PARD3: variants seen among roughly 807,000 people sequenced by gnomAD.
PARD3 encodes the protein partitioning defective 3 homolog.
In PARD3, 75 loss-of-function variants were observed where a neutral mutation model predicts 155.4. The ratio of observed to expected loss-of-function variants is 0.48; its 90% CI spans 0.40 to 0.58. The LOEUF is 0.58. Among genes scored for constraint, PARD3 ranks in the 20% least tolerant of loss-of-function variants. PARD3 has a pLI of 0.00. For synonymous variants in PARD3, 576 were observed against 610.5 expected (o/e 0.94, Z 0.83); for missense variants, 1,642 against 1,721.7 (o/e 0.95, Z 0.82).
intron 1 of PARD3, among the ~76,000 whole-genome samples, chr10:34,746,101 C>A (rs1383274882): frequency 2.7e-5 from 4 of 150,712 alleles, no homozygotes; most frequent in African/African-American, 7.3e-5. Flanking sequence ...GACTCCATCT[C>A]AAAAAACAAA....
intron 1 of PARD3, among the ~76,000 whole-genome samples, chr10:34,769,002 G>A (rs1366199481): frequency 3.3e-5 from 5 of 152,248 alleles, no homozygotes; most frequent in Non-Finnish European, 7.4e-5. Context: ...CTCAAGGCTC[G>A]GATCAATAAA....
intron 20 of PARD3, among the ~76,000 whole-genome samples, chr10:34,285,990 G>T (rs1316670687): frequency 6.6e-6 from 1 of 152,046 alleles, no homozygotes; most frequent in African/African-American, 2.4e-5. Flanking sequence ...AAATTCTCCA[G>T]AACTGAAATC....
At chr10:34,406,059 G>A (rs914171097) in intron 5 of PARD3, among the ~76,000 whole-genome samples, 1 of 152,142 alleles carries the variant, frequency 6.6e-6, no homozygotes, top group Admixed American at 6.6e-5. Context: ...ACAATGAGGA[G>A]TTATCTCCAA....
intron 2 of PARD3, among the ~76,000 whole-genome samples, chr10:34,533,595 T>G (rs2083008033): frequency 6.6e-6 from 1 of 152,042 alleles, no homozygotes. Context: ...TCACTTGAGC[T>G]CAGGAGTTTG....
rs375390982 is a variant in PARD3 at position 34,325,229 on chromosome 10, C to T, written c.2833+5888G>A. 1.1e-3 allele frequency among the ~76,000 whole-genome samples: 170 copies of T among 152,148 alleles called. 1 individual carries two copies. The highest frequency in any genetic ancestry group is 3.9e-3 in the African/African-American group (162 of 41,492). On this transcript the variant is annotated intron_variant, in intron 19 of 24. Transcript: ENST00000374788. The stretch of plus-strand genomic sequence containing the variant: ...CTCGCCATGTTGGCCAGGCTGGTCT[C>T]GAACTCCTGATCTCAAGTGATCCAC...
chr10:34,425,872 C>T (rs1473137347), intron 5 of PARD3, among the ~76,000 whole-genome samples: 1 of 152,198 alleles, frequency 6.6e-6, no homozygotes, highest in Non-Finnish European at 1.5e-5. Flanking sequence ...ACCCAAATTT[C>T]TATTCAACTG....
chr10:34,571,638 G>A (rs908550686), intron 2 of PARD3, among the ~76,000 whole-genome samples: 3 of 152,062 alleles, frequency 2.0e-5, no homozygotes, highest in South Asian at 2.1e-4. Context: ...TAAAGCAAAC[G>A]ACACACCAAA....
intron 1 of PARD3, among the ~76,000 whole-genome samples, chr10:34,757,854 G>A (rs1318137416): frequency 3.9e-5 from 6 of 152,132 alleles, no homozygotes; most frequent in South Asian, 2.1e-4. Context: ...CAGAGTAAAC[G>A]ATGCCCCATT....
At chr10:34,627,317 C>G (rs775883900) in intron 2 of PARD3, among the ~76,000 whole-genome samples, 1 of 152,208 alleles carries the variant, frequency 6.6e-6, no homozygotes, top group Non-Finnish European at 1.5e-5. Flanking sequence ...CATGAGCCAC[C>G]GTGCCCAGCT....
intron 1 of PARD3, among the ~76,000 whole-genome samples, chr10:34,746,923 G>A (rs1835400827): frequency 6.6e-6 from 1 of 152,170 alleles, no homozygotes; most frequent in South Asian, 2.1e-4. Context: ...TTCTGCAGTG[G>A]ACACCCAGGC....
chr10:34,691,960 T>C (rs1198262474), intron 2 of PARD3, among the ~76,000 whole-genome samples: 2 of 152,214 alleles, frequency 1.3e-5, no homozygotes, highest in East Asian at 1.9e-4. Flanking sequence ...GGGCTGGGCA[T>C]GGTGGCCCAC....
rs1459354914 is a variant in PARD3 at position 34,756,479 on chromosome 10, A to T, written c.120+58397T>A. 3.7e-4 allele frequency among the ~76,000 whole-genome samples: 30 copies of T among 81,736 alleles called. No homozygotes were observed. The South Asian group carries it at 6.9e-3, about 19-fold the overall frequency. 53.6% of individuals were successfully genotyped at this position (81,736 alleles called of 152,430 possible). A position where few individuals can be genotyped will look rare whatever the true frequency, so the allele number is the denominator to read the frequency against. Reference sequence around the variant, plus strand: ...ATGCACCTTTTTTTTTTTTCTTATAAAAAAAAAAAAAAAAAAAAAGAGTCA... The same window carrying T: ...ATGCACCTTTTTTTTTTTTCTTATATAAAAAAAAAAAAAAAAAAAGAGTCA... On this transcript the variant is annotated intron_variant, in intron 1 of 24. Coordinates refer to ENST00000374788, the MANE Select transcript of PARD3 (RefSeq NM_001184785.2).
chr10:34,720,725 A>G (rs1228960556), intron 1 of PARD3, among the ~76,000 whole-genome samples: 1 of 151,996 alleles, frequency 6.6e-6, no homozygotes, highest in African/African-American at 2.4e-5. Flanking sequence ...TGAACTAGGG[A>G]GGCGGAGGTT....
intron 19 of PARD3, among the ~76,000 whole-genome samples, chr10:34,323,248 C>T (rs764538685): frequency 2.6e-5 from 4 of 152,176 alleles, no homozygotes; most frequent in Non-Finnish European, 5.9e-5. Flanking sequence ...TGTCGAATAA[C>T]ATGATCTGCT....
At chr10:34,171,974 AAAAAAAAAAAT>A in intron 22 of PARD3, among the ~76,000 whole-genome samples, 1 of 150,270 alleles carries the variant, frequency 6.7e-6, no homozygotes, top group Admixed American at 6.7e-5. Context: ...AAAAAAAAAA[AAAAAAAAAAAT>A]TCAGAGTCCT....
intron 2 of PARD3, among the ~76,000 whole-genome samples, chr10:34,564,339 T>A (rs927008477): frequency 6.6e-6 from 1 of 152,250 alleles, no homozygotes; most frequent in Non-Finnish European, 1.5e-5. Context: ...TAACTCACTA[T>A]CCATCCAACC....
At chr10:34,749,457 G>C (rs1835716754) in intron 1 of PARD3, among the ~76,000 whole-genome samples, 1 of 150,290 alleles carries the variant, frequency 6.7e-6, no homozygotes, top group African/African-American at 2.4e-5. Flanking sequence ...TAAAAATGAA[G>C]GTTATAAAAA....
At chr10:34,718,929 CT>C (rs2094562575) in intron 1 of PARD3, among the ~76,000 whole-genome samples, 3 of 152,066 alleles carry the variant, frequency 2.0e-5, no homozygotes, top group Admixed American at 6.6e-5. Flanking sequence ...AGCCACTGCA[CT>C]CAAGCCTGGG....
intron 22 of PARD3, among the ~76,000 whole-genome samples, chr10:34,214,221 A>G (rs1951892405): frequency 6.6e-6 from 1 of 152,124 alleles, no homozygotes. Context: ...TCATGTGTGG[A>G]TGCTTTTGAT....
Sources: gnomAD v4.1 joint callset for allele counts (sites outside exome capture counted in the v4.1 genomes callset) on GRCh38, gnomAD v4.1.1 for gene constraint, MANE v1.5 for transcripts, NCBI Gene and HGNC (gene_info 2026-07-23, HGNC 2026-07-21) for gene names.